TNPO1: variants seen among roughly 807,000 people sequenced by gnomAD.
TNPO1 encodes transportin 1, also known as transportin-1.
In TNPO1, 8 loss-of-function variants were observed where a neutral mutation model predicts 119.5. That is an observed-to-expected ratio of 0.07 (90% CI 0.04 to 0.12). The LOEUF (loss-of-function observed/expected upper bound fraction) is 0.12, where lower values mean the gene tolerates loss of function less well. Ranked by LOEUF, TNPO1 falls within the 10% of genes least tolerant of loss-of-function variation. The pLI, the probability that TNPO1 is intolerant of heterozygous loss-of-function variation, is 1.00. For synonymous variants in TNPO1, 362 were observed against 363.0 expected (o/e 1.00, Z 0.03); for missense variants, 576 against 1,089.8 (o/e 0.53, Z 6.64).
intron 24 of TNPO1, among the ~76,000 whole-genome samples, chr5:72,906,605 TTAAAA>T (rs1750189098): frequency 6.6e-6 from 1 of 152,174 alleles, no homozygotes. Context: ...GGACTATATT[TTAAAA>T]TAAGCAATGA....
intron 2 of TNPO1, among the ~76,000 whole-genome samples, chr5:72,849,577 C>T (rs1445615372): frequency 2.0e-5 from 3 of 152,206 alleles, no homozygotes; most frequent in Non-Finnish European, 2.9e-5. Flanking sequence ...AGAAATACTG[C>T]ATTGCCGTAA....
chr5:72,861,709 T>C (rs1580412378), intron 4 of TNPO1, 99 bp from the exon 5 acceptor site: 1 of 857,048 alleles, frequency 1.2e-6, no homozygotes, highest in East Asian at 2.7e-5. Context: ...GGCCAAATGT[T>C]ATTATTTACA....
intron 3 of TNPO1, among the ~76,000 whole-genome samples, chr5:72,854,297 A>G (rs1021159941): frequency 6.6e-6 from 1 of 152,220 alleles, no homozygotes; most frequent in African/African-American, 2.4e-5. Flanking sequence ...TTAAATGATG[A>G]CATACAAGGT....
At chr5:72,885,126 A>C (rs545305124) in intron 11 of TNPO1, among the ~76,000 whole-genome samples, 13 of 152,376 alleles carry the variant, frequency 8.5e-5, no homozygotes, top group African/African-American at 2.4e-4. Flanking sequence ...AGGACTTTGC[A>C]TGCATATCAA....
At chr5:72,840,639 G>A (rs1257953902) in intron 1 of TNPO1, among the ~76,000 whole-genome samples, 4 of 152,038 alleles carry the variant, frequency 2.6e-5, no homozygotes, top group Non-Finnish European at 5.9e-5. Context: ...GTTATAGATT[G>A]GGTCAAATTT....
chr5:72,857,925 A>G (rs1263114352), intron 4 of TNPO1, among the ~76,000 whole-genome samples: 1 of 152,234 alleles, frequency 6.6e-6, no homozygotes, highest in Non-Finnish European at 1.5e-5. Context: ...TTATTTAAGC[A>G]CTTAGGTATC....
chr5:72,875,564 C>T lies in TNPO1; in HGVS notation c.679-51C>T, dbSNP rs765096902. On this transcript the variant is annotated intron_variant, in intron 7 of 24. Transcript: ENST00000337273. ...TCACCAACTTGCAGATTACTTATTACTTGTGTGTAAGCCTTTCTAAAACTA... is the reference window on the plus strand; with the variant it reads ...TCACCAACTTGCAGATTACTTATTATTTGTGTGTAAGCCTTTCTAAAACTA... 3 of 1,572,298 alleles carry T rather than the reference C, an allele frequency of 1.9e-6. No homozygotes were observed. The Admixed American group carries it at 5.1e-5, about 27-fold the overall frequency.
intron 1 of TNPO1, among the ~76,000 whole-genome samples, chr5:72,822,535 C>G (rs1744009130): frequency 6.6e-6 from 1 of 151,812 alleles, no homozygotes; most frequent in Non-Finnish European, 1.5e-5. Flanking sequence ...CACAGAAACT[C>G]CAGACTTCCT....
intron 6 of TNPO1, 110 bp downstream of exon 6, chr5:72,865,839 A>G (rs545486887): frequency 1.7e-6 from 2 of 1,180,166 alleles, no homozygotes; most frequent in Non-Finnish European, 2.4e-6. Flanking sequence ...AAGATATTGG[A>G]TGTTCCAGAG....
intron 24 of TNPO1, among the ~76,000 whole-genome samples, chr5:72,906,275 CTTTTTTTTTTTTTTTTTTTTTTTTTTTT>C (rs869051297): frequency 3.7e-5 from 2 of 54,674 alleles, no homozygotes; most frequent in African/African-American, 1.4e-4. Context: ...TTTTTTTTTT[CTTTTTTTTTTTTTTTTTTTTTTTTTTTT>C]TTTTTTTTTT....
At chr5:72,840,854 T>C (rs1024376872) in intron 1 of TNPO1, among the ~76,000 whole-genome samples, 2 of 152,202 alleles carry the variant, frequency 1.3e-5, no homozygotes, top group Non-Finnish European at 2.9e-5. Context: ...TCTAAACTCC[T>C]AGATGACAAT....
At chr5:72,874,392 G>A (rs1747619068) in intron 7 of TNPO1, among the ~76,000 whole-genome samples, 1 of 152,250 alleles carries the variant, frequency 6.6e-6, no homozygotes, top group Admixed American at 6.5e-5. Flanking sequence ...TGGCAAAGCT[G>A]GGTATTCATT....
Position 72,900,095 on chromosome 5 carries a change from A to G in TNPO1, c.2414+14A>G. ...TATAAGACCCTGGTGTGTATTATTC[A>G]ATCTTTTTTTTTAATTCATTTTTCT... is the stretch of plus-strand genomic sequence containing the variant. On this transcript the variant is annotated intron_variant, in intron 21 of 24. Transcript: ENST00000337273. The G allele has an allele frequency of 6.3e-7, 1 of 1,599,304 alleles. No individual in the cohort carries two copies. The highest frequency in any genetic ancestry group is 8.5e-7 in the Non-Finnish European group (1 of 1,170,884).
chr5:72,903,889 A>C, intron 23 of TNPO1, 106 bp downstream of exon 23: 1 of 714,544 alleles, frequency 1.4e-6, no homozygotes, highest in Non-Finnish European at 2.3e-6. Context: ...TCTTCAAGTC[A>C]GTATTGATAG....
chr5:72,878,656 TA>T (rs1228214029), intron 9 of TNPO1: 1 of 195,618 alleles, frequency 5.1e-6, no homozygotes, highest in African/African-American at 2.4e-5. Flanking sequence ...GCCCTCGAAA[TA>T]CACTGACTGG....
chr5:72,912,192 A>G lies in TNPO1; in HGVS notation c.*3519A>G, dbSNP rs1750611600. 6.6e-6 allele frequency: 1 copy of G among 152,526 alleles called. No homozygotes were observed. Among genetic ancestry groups the G allele is most frequent in the African/African-American group, 2.4e-5 (1 of 41,434 alleles). 9.4% of individuals were successfully genotyped at this position (152,526 alleles called of 1,614,324 possible). On this transcript the variant is annotated 3_prime_UTR_variant, in exon 25 of 25. Transcript: ENST00000337273. ...TATTGCTACTTGATTTTGTTATGCA[A>G]GTTAGATTTCAGAAGAATAGATTTT...
chr5:72,906,313 T>G (rs1750162268), intron 24 of TNPO1, among the ~76,000 whole-genome samples: 3 of 99,304 alleles, frequency 3.0e-5, no homozygotes, highest in Non-Finnish European at 5.9e-5. Flanking sequence ...TTTTTTTTTT[T>G]GAGACAGAGA....
At chr5:72,857,932 T>C (rs1746131540) in intron 4 of TNPO1, among the ~76,000 whole-genome samples, 1 of 152,238 alleles carries the variant, frequency 6.6e-6, no homozygotes, top group Non-Finnish European at 1.5e-5. Flanking sequence ...AGCACTTAGG[T>C]ATCATCTGAC....
chr5:72,816,771 C>A lies in TNPO1; in HGVS notation c.15+19C>A. The A allele has an allele frequency of 6.3e-7, 1 of 1,581,914 alleles. No individual in the cohort carries two copies. The stretch of plus-strand genomic sequence containing the variant: ...GGACCGGGTAGGTGGCGTGAGGGTG[C>A]GCGGCCCCGAACTGCAGGGGCGGGA... On this transcript the variant is annotated intron_variant, in intron 1 of 24. Transcript: ENST00000337273.
Sources: gnomAD v4.1 joint callset for allele counts (sites outside exome capture counted in the v4.1 genomes callset) on GRCh38, gnomAD v4.1.1 for gene constraint, MANE v1.5 for transcripts, NCBI Gene and HGNC (gene_info 2026-07-23, HGNC 2026-07-21) for gene names.